The following CNTNAP2 variants were observed in gnomAD, a reference collection of about 807,000 sequenced individuals.
CNTNAP2 encodes contactin-associated protein-like 2.
In CNTNAP2, 98 loss-of-function variants were observed where a neutral mutation model predicts 155.2. The ratio of observed to expected loss-of-function variants is 0.63; its 90% CI spans 0.54 to 0.75. The LOEUF is 0.75. Among genes scored for constraint, CNTNAP2 ranks in the 30% least tolerant of loss-of-function variants. The pLI is 0.00. For missense variants in CNTNAP2, 1,727 were observed against 1,688.1 expected (o/e 1.02, Z -0.40); for synonymous variants, 651 against 631.2 (o/e 1.03, Z -0.47).
chr7:146,875,647 AC>A (rs1795403660), intron 3 of CNTNAP2, among the ~76,000 whole-genome samples: 1 of 149,696 alleles, frequency 6.7e-6, no homozygotes, highest in South Asian at 2.1e-4. Flanking sequence ...GTGTAAAACT[AC>A]CTCCTAAGAG....
chr7:148,118,027 G>A (rs991588102), intron 15 of CNTNAP2, 91 bp from the exon 16 acceptor site: 20 of 1,291,726 alleles, frequency 1.5e-5, no homozygotes, highest in Admixed American at 6.7e-5. Context: ...ATTGCTAATG[G>A]TACTTATTAA....
chr7:146,820,490 T>C (rs1196583827), intron 2 of CNTNAP2, among the ~76,000 whole-genome samples: 2 of 152,176 alleles, frequency 1.3e-5, no homozygotes, highest in African/African-American at 4.8e-5. Flanking sequence ...GTGAGTTTCT[T>C]AGTCCTGAGT....
intron 20 of CNTNAP2, among the ~76,000 whole-genome samples, chr7:148,233,607 C>T (rs62473505): frequency 0.3 from 46,082 of 152,114 alleles, 7,011 homozygotes; most frequent in Middle Eastern, 0.34. Flanking sequence ...CCATAGCATA[C>T]TCCACTTATA....
chr7:146,811,941 G>A (rs1158120436), intron 2 of CNTNAP2, among the ~76,000 whole-genome samples: 1 of 152,082 alleles, frequency 6.6e-6, no homozygotes, highest in Non-Finnish European at 1.5e-5. Flanking sequence ...AGTTTCTTGA[G>A]GCCTCCTCAG....
intron 10 of CNTNAP2, among the ~76,000 whole-genome samples, chr7:147,452,018 A>C (rs1299281715): frequency 1.3e-5 from 2 of 152,184 alleles, no homozygotes; most frequent in African/African-American, 4.8e-5. Context: ...CAGAGCTGAG[A>C]GCCTATACAG....
intron 9 of CNTNAP2, among the ~76,000 whole-genome samples, chr7:147,373,708 T>C (rs1477800957): frequency 5.3e-5 from 8 of 152,076 alleles, no homozygotes; most frequent in African/African-American, 1.9e-4. Context: ...GTAGTGTTTG[T>C]ATGAACTGTA....
At position 147,475,722 on chromosome 7, in the gene CNTNAP2, A is replaced by G. The variant is rs548806586; in HGVS notation, c.1671-10213A>G. Among the ~76,000 whole-genome samples, 3 of 152,268 alleles carry G rather than the reference A, an allele frequency of 2.0e-5. No homozygotes were observed. The South Asian group carries it at 6.2e-4, about 32-fold the overall frequency. Reference sequence around the variant, plus strand: ...AGGCCCTCTATATTAGTTGTTTATAAAAAGTATTCCACCATACCTTATTAT... The same window carrying G: ...AGGCCCTCTATATTAGTTGTTTATAGAAAGTATTCCACCATACCTTATTAT... On this transcript the variant is annotated intron_variant, in intron 10 of 23. Coordinates refer to ENST00000361727, the MANE Select transcript of CNTNAP2 (RefSeq NM_014141.6).
chr7:147,770,844 T>C (rs1797457688), intron 13 of CNTNAP2, among the ~76,000 whole-genome samples: 3 of 152,094 alleles, frequency 2.0e-5, no homozygotes, highest in African/African-American at 7.2e-5. Flanking sequence ...TTGGTGAAAA[T>C]AAATAAGCTG....
intron 3 of CNTNAP2, among the ~76,000 whole-genome samples, chr7:146,936,255 G>C (rs1464585586): frequency 6.6e-6 from 1 of 152,166 alleles, no homozygotes; most frequent in Non-Finnish European, 1.5e-5. Context: ...AGAAGAAACT[G>C]TATAAAAATG....
chr7:146,846,685 G>C (rs886989515), intron 3 of CNTNAP2, among the ~76,000 whole-genome samples: 3 of 152,054 alleles, frequency 2.0e-5, no homozygotes, highest in South Asian at 2.1e-4. Flanking sequence ...TACATAAATA[G>C]AACTGTTCTA....
chr7:147,636,701 A>T (rs557761293), intron 12 of CNTNAP2, among the ~76,000 whole-genome samples: 1 of 152,248 alleles, frequency 6.6e-6, no homozygotes, highest in East Asian at 1.9e-4. Context: ...ACTTTCGTTA[A>T]TTCCTCTTTC....
At chr7:147,437,955 GTTGATTTTGTTTCCTGCAACT>G (rs942280588) in intron 10 of CNTNAP2, among the ~76,000 whole-genome samples, 7 of 151,974 alleles carry the variant, frequency 4.6e-5, no homozygotes, top group Non-Finnish European at 8.8e-5. Context: ...AATTTTTAAT[GTTGATTTTGTTTCCTGCAACT>G]TTACATAATT....
At chr7:146,906,515 C>T (rs1384866114) in intron 3 of CNTNAP2, among the ~76,000 whole-genome samples, 2 of 152,186 alleles carry the variant, frequency 1.3e-5, no homozygotes, top group South Asian at 4.1e-4. Flanking sequence ...AGCAGCCTAA[C>T]TGGGAGGCAC....
At chr7:147,545,990 G>A (rs1799722851) in intron 11 of CNTNAP2, among the ~76,000 whole-genome samples, 1 of 152,174 alleles carries the variant, frequency 6.6e-6, no homozygotes, top group African/African-American at 2.4e-5. Context: ...CATGTAAGAT[G>A]TGACTTTCAC....
At chr7:146,488,988 A>T (rs1242192770) in intron 1 of CNTNAP2, among the ~76,000 whole-genome samples, 2 of 152,204 alleles carry the variant, frequency 1.3e-5, no homozygotes, top group Non-Finnish European at 2.9e-5. Context: ...AGGGACATGG[A>T]AACAGAGATT....
At chr7:146,236,807 G>A (rs900967004) in intron 1 of CNTNAP2, among the ~76,000 whole-genome samples, 7 of 111,878 alleles carry the variant, frequency 6.3e-5, no homozygotes, top group South Asian at 6.7e-4. Flanking sequence ...AAGATTGTAA[G>A]TTATTAATTA....
At chr7:147,755,383 A>G (rs1797199901) in intron 13 of CNTNAP2, among the ~76,000 whole-genome samples, 1 of 152,224 alleles carries the variant, frequency 6.6e-6, no homozygotes, top group African/African-American at 2.4e-5. Context: ...AGCCAGGCGC[A>G]GTGGCTCATG....
At chr7:147,110,258 G>T (rs1044316831) in intron 5 of CNTNAP2, among the ~76,000 whole-genome samples, 4 of 152,104 alleles carry the variant, frequency 2.6e-5, no homozygotes, top group Non-Finnish European at 4.4e-5. Flanking sequence ...ATGTATGTTT[G>T]TATGTTGATG....
chr7:146,869,753 G>T (rs1795270061), intron 3 of CNTNAP2, among the ~76,000 whole-genome samples: 1 of 152,078 alleles, frequency 6.6e-6, no homozygotes, highest in South Asian at 2.1e-4. Context: ...AAAGATGAAG[G>T]CCAGAAGACT....
Sources: gnomAD v4.1 joint callset for allele counts (sites outside exome capture counted in the v4.1 genomes callset) on GRCh38, gnomAD v4.1.1 for gene constraint, MANE v1.5 for transcripts, NCBI Gene and HGNC (gene_info 2026-07-23, HGNC 2026-07-21) for gene names.